ARHGAP25: variants seen among roughly 807,000 people sequenced by gnomAD.
ARHGAP25 encodes the protein Rho GTPase activating protein 25, also known as rho GTPase-activating protein 25.
In ARHGAP25, 34 loss-of-function variants were observed where a neutral mutation model predicts 71.0. That is an observed-to-expected ratio of 0.48 (90% CI 0.36 to 0.64). The LOEUF (loss-of-function observed/expected upper bound fraction) is 0.64, where lower values mean the gene tolerates loss of function less well. ARHGAP25 is among the 30% of genes least tolerant of loss of function. The pLI is 0.00. For missense variants in ARHGAP25, 706 were observed against 805.1 expected, an observed-to-expected ratio of 0.88 and a Z score of 1.49; for synonymous variants, 282 against 296.5, an observed-to-expected ratio of 0.95 and a Z score of 0.50.
At chr2:68,732,924 CTA>C (rs1479222319), upstream of ARHGAP25, among the ~76,000 whole-genome samples, 1 of 152,192 alleles carries the variant, frequency 6.6e-6, no homozygotes, top group African/African-American at 2.4e-5. Context: ...GAGATGGCTA[CTA>C]TAGATCTAAG....
intron 2 of ARHGAP25, among the ~76,000 whole-genome samples, chr2:68,779,568 G>T (rs997351795): frequency 2.0e-5 from 3 of 152,162 alleles, no homozygotes; most frequent in African/African-American, 7.2e-5. Context: ...GGGCTAAAAT[G>T]TAGTTCTAGA....
intron 1 of ARHGAP25, among the ~76,000 whole-genome samples, chr2:68,772,562 C>G (rs1298929216): frequency 6.6e-6 from 1 of 152,230 alleles, no homozygotes; most frequent in Non-Finnish European, 1.5e-5. Flanking sequence ...TGTGTGTAAA[C>G]TATCTTTTTC....
At chr2:68,820,807 CAT>C (rs1408417421) in intron 9 of ARHGAP25, among the ~76,000 whole-genome samples, 2 of 132,598 alleles carry the variant, frequency 1.5e-5, no homozygotes. Flanking sequence ...TATAAGAAGA[CAT>C]GAGTGTAAAT....
chr2:68,721,073 A>T (rs1399497283), intron 2 of ARHGAP25, among the ~76,000 whole-genome samples: 2 of 152,234 alleles, frequency 1.3e-5, no homozygotes, highest in Non-Finnish European at 2.9e-5. Context: ...CTTGGGGGCA[A>T]CTTCAACTAA....
intron 1 of ARHGAP25, among the ~76,000 whole-genome samples, chr2:68,770,115 A>G (rs893028159): frequency 6.6e-6 from 1 of 152,160 alleles, no homozygotes; most frequent in Admixed American, 6.5e-5. Context: ...AGTACATCAG[A>G]GAGACCAGCG....
At chr2:68,729,240 G>C (rs1674952180) in intron 2 of ARHGAP25, among the ~76,000 whole-genome samples, 2 of 152,182 alleles carry the variant, frequency 1.3e-5, no homozygotes, top group African/African-American at 2.4e-5. Context: ...TGGGTGAATT[G>C]CATGGTATGT....
In ARHGAP25 at chr2:68,764,679, A is replaced by G. The variant is rs907070895; in HGVS notation, c.62-10542A>G. ...AGCCAGACCTCTGTGCGCACTTGGA[A>G]GGAGCTCTCAGGTCTCCATCTGTTC... On this transcript the variant is annotated intron_variant, in intron 1 of 10. Transcript: ENST00000409202. Among the ~76,000 whole-genome samples, 5 of 152,110 alleles carry G rather than the reference A, an allele frequency of 3.3e-5. No homozygotes were observed. In the South Asian group the frequency reaches 6.2e-4, roughly 19 times the overall value.
chr2:68,782,162 T>C lies in ARHGAP25; in HGVS notation c.262-71T>C, dbSNP rs17035896. 10,892 of 1,344,050 alleles carry C rather than the reference T, an allele frequency of 8.1e-3. 687 individuals are homozygous for C. The African/African-American group carries it at 0.14, about 17-fold the overall frequency. The allele number at this position is 1,344,050 out of a possible 1,614,324, so 83.3% of individuals were successfully genotyped here. ...CTCCCCATCCCATCATTATCCTATC[T>C]GTTGTCCAACCCAATTTTAGTTTAT... On this transcript the variant is annotated intron_variant, in intron 2 of 10. Coordinates refer to ENST00000409202, the MANE Select transcript of ARHGAP25 (RefSeq NM_001007231.3).
intron 2 of ARHGAP25, among the ~76,000 whole-genome samples, chr2:68,712,986 A>G (rs1009523166): frequency 1.3e-5 from 2 of 152,222 alleles, no homozygotes; most frequent in African/African-American, 4.8e-5. Flanking sequence ...TGTCTGGGCT[A>G]TACAGGCTCT....
intron 1 of ARHGAP25, among the ~76,000 whole-genome samples, chr2:68,762,330 G>T (rs184474359): frequency 1.5e-3 from 221 of 152,262 alleles, no homozygotes; most frequent in African/African-American, 5.0e-3. Flanking sequence ...GCAATAATGT[G>T]AATGTACTTA....
At chr2:68,746,943 G>A (rs2104304580) in intron 1 of ARHGAP25, among the ~76,000 whole-genome samples, 1 of 149,540 alleles carries the variant, frequency 6.7e-6, no homozygotes, top group East Asian at 2.0e-4. Context: ...GGGAGGCAGA[G>A]GTTGTGGTGA....
intron 5 of ARHGAP25, among the ~76,000 whole-genome samples, chr2:68,809,845 G>A (rs965234734): frequency 2.6e-5 from 4 of 152,150 alleles, no homozygotes; most frequent in African/African-American, 7.2e-5. Context: ...TTGCTGTTTG[G>A]TGAGACTAGT....
chr2:68,775,511 C>T, intron 2 of ARHGAP25, 91 bp downstream of exon 2: 2 of 1,576,112 alleles, frequency 1.3e-6, no homozygotes, highest in Admixed American at 3.5e-5. Flanking sequence ...CAGGGGCCTT[C>T]TCAATAGGAC....
rs75419560 is a variant in ARHGAP25 at position 68,720,278 on chromosome 2, G to C, written c.-18+9580G>C. Among the ~76,000 whole-genome samples, 89 of 139,962 alleles carry C rather than the reference G, an allele frequency of 6.4e-4. No homozygotes were observed. In the East Asian group the frequency reaches 0.012, roughly 20 times the overall value. The allele number at this position is 139,962 out of a possible 152,430, so 91.8% of individuals were successfully genotyped here. A position where few individuals can be genotyped will look rare whatever the true frequency, so the allele number is the denominator to read the frequency against. ...TTAGTGGAGCCATGGGATGAAACTG[G>C]GAAAAAACAGGAATTGCAGACATAG... On this transcript the variant is annotated intron_variant and NMD_transcript_variant, in intron 2 of 7. Transcript: ENST00000463483.
chr2:68,778,609 C>G (rs558784282), intron 2 of ARHGAP25, among the ~76,000 whole-genome samples: 1 of 152,184 alleles, frequency 6.6e-6, no homozygotes, highest in Non-Finnish European at 1.5e-5. Context: ...AGGGCCCTCA[C>G]ATACACTGAT....
intron 4 of ARHGAP25, among the ~76,000 whole-genome samples, chr2:68,804,710 G>A (rs1053608548): frequency 6.6e-6 from 1 of 152,224 alleles, no homozygotes; most frequent in African/African-American, 2.4e-5. Flanking sequence ...CTCAATGCAT[G>A]CTAGTGGGAA....
chr2:68,759,350 A>G (rs77435690), intron 1 of ARHGAP25, among the ~76,000 whole-genome samples: 1 of 149,230 alleles, frequency 6.7e-6, no homozygotes, highest in Admixed American at 6.7e-5. Context: ...ATGGATAATG[A>G]AAAAAAAAAG....
At chr2:68,783,493 T>C (rs1678502344) in intron 3 of ARHGAP25, among the ~76,000 whole-genome samples, 1 of 151,920 alleles carries the variant, frequency 6.6e-6, no homozygotes. Context: ...GGGACAGTCT[T>C]GCTCTGTTGC....
intron 6 of ARHGAP25, among the ~76,000 whole-genome samples, chr2:68,814,770 C>T (rs1249766961): frequency 2.6e-5 from 4 of 152,116 alleles, no homozygotes. Flanking sequence ...GAAAAGCTGA[C>T]TTTATATTTC....
Sources: gnomAD v4.1 joint callset for allele counts (sites outside exome capture counted in the v4.1 genomes callset) on GRCh38, gnomAD v4.1.1 for gene constraint, MANE v1.5 for transcripts, NCBI Gene and HGNC (gene_info 2026-07-23, HGNC 2026-07-21) for gene names.